The following FOXN3 variants were observed in gnomAD, a reference collection of about 807,000 sequenced individuals.
FOXN3 encodes forkhead box N3, also known as forkhead box protein N3.
FOXN3 carries 7 observed loss-of-function variants against 38.4 expected under a neutral mutation model. The ratio of observed to expected loss-of-function variants is 0.18; its 90% CI spans 0.10 to 0.34. The LOEUF is 0.34. Among genes scored for constraint, FOXN3 ranks in the 10% least tolerant of loss-of-function variants. The pLI is 1.00. For synonymous variants in FOXN3, 230 were observed against 242.2 expected (o/e 0.95, Z 0.47); for missense variants, 456 against 613.4 (o/e 0.74, Z 2.71).
At chr14:89,385,175 C>A (rs1890757933) in intron 2 of FOXN3, among the ~76,000 whole-genome samples, 1 of 152,080 alleles carries the variant, frequency 6.6e-6, no homozygotes, top group South Asian at 2.1e-4. Context: ...TGATTGTGAC[C>A]TATATGTCTT....
At chr14:89,618,651 T>A (rs999596741) in intron 1 of FOXN3, among the ~76,000 whole-genome samples, 1 of 152,192 alleles carries the variant, frequency 6.6e-6, no homozygotes, top group African/African-American at 2.4e-5. Flanking sequence ...CCCACAGAAG[T>A]GTGCTTCCCT....
In FOXN3 at chr14:89,184,890, C is replaced by T. The variant is rs113833361; in HGVS notation, c.746-4084G>A. Among the ~76,000 whole-genome samples, 704 of 152,308 alleles carry T rather than the reference C, an allele frequency of 4.6e-3. 9 individuals are homozygous for T. Among genetic ancestry groups the T allele is most frequent in the African/African-American group, 0.016 (666 of 41,566 alleles). On this transcript the variant is annotated intron_variant, in intron 4 of 5. Transcript: ENST00000557258. The stretch of plus-strand genomic sequence containing the variant: ...TACAAGGATAGGGCTGAAAGGGGTC[C>T]GGACATGGGGAAATACTTTCAGCCC...
At chr14:89,200,936 C>A (rs890757971) in intron 4 of FOXN3, among the ~76,000 whole-genome samples, 1 of 152,154 alleles carries the variant, frequency 6.6e-6, no homozygotes, top group African/African-American at 2.4e-5. Context: ...ACCAAAAAAT[C>A]TAAACTTCTA....
rs532379851 is a variant in FOXN3, at chr14:89,587,234, G to A, written c.-15+31794C>T. The stretch of plus-strand genomic sequence containing the variant: ...TAGGTGAGGCCCACCCACATTATGG[G>A]GGGTAATCCGCTTTATTCAACGACT... On this transcript the variant is annotated intron_variant, in intron 1 of 6. Transcript: ENST00000345097. Among the ~76,000 whole-genome samples the A allele has an allele frequency of 1.7e-3, 255 of 152,364 alleles. 2 individuals are homozygous for A. The highest frequency in any genetic ancestry group is 3.2e-3 in the Non-Finnish European group (216 of 68,042).
chr14:89,334,250 G>A lies in FOXN3; in HGVS notation c.680+16422C>T, dbSNP rs141245086. Among the ~76,000 whole-genome samples the A allele has an allele frequency of 2.6e-5, 4 of 151,918 alleles. No individual in the cohort carries two copies. The East Asian group carries it at 7.7e-4, about 29-fold the overall frequency. ...AGGGTGGTTACCAGGGGTTGGGGTT[G>A]GGGAGTGAGGCGGGCTGGGGGAAAC... On this transcript the variant is annotated intron_variant, in intron 3 of 5. Coordinates refer to ENST00000557258, the MANE Select transcript of FOXN3 (RefSeq NM_005197.4).
intron 1 of FOXN3, among the ~76,000 whole-genome samples, chr14:89,485,149 C>CTA (rs35822127): frequency 1.5e-5 from 2 of 129,038 alleles, no homozygotes; most frequent in East Asian, 4.6e-4. Context: ...AAGACTCTCT[C>CTA]AAAAAAAAAA....
At chr14:89,560,291 C>T (rs531603899) in intron 1 of FOXN3, among the ~76,000 whole-genome samples, 47 of 152,230 alleles carry the variant, frequency 3.1e-4, no homozygotes, top group Admixed American at 1.4e-3. Flanking sequence ...TTCAACATGA[C>T]ATTTGGGTGG....
intron 3 of FOXN3, among the ~76,000 whole-genome samples, chr14:89,347,666 G>C (rs190947412): frequency 1.3e-5 from 2 of 152,236 alleles, no homozygotes; most frequent in African/African-American, 2.4e-5. Context: ...AGAAAACAGA[G>C]GCATGGGCCG....
intron 1 of FOXN3, among the ~76,000 whole-genome samples, chr14:89,592,245 T>A (rs73315247): frequency 6.6e-6 from 1 of 152,130 alleles, no homozygotes; most frequent in South Asian, 2.1e-4. Flanking sequence ...GTTCAACTAA[T>A]AGAGTTTCTA....
chr14:89,191,948 GTATA>G (rs566312671), intron 4 of FOXN3, among the ~76,000 whole-genome samples: 1 of 117,966 alleles, frequency 8.5e-6, no homozygotes, highest in African/African-American at 4.7e-5. Context: ...ACTGATATTA[GTATA>G]TATATATATA....
intron 3 of FOXN3, among the ~76,000 whole-genome samples, chr14:89,319,091 CA>C (rs1402381099): frequency 3.3e-5 from 5 of 152,158 alleles, no homozygotes; most frequent in Non-Finnish European, 5.9e-5. Context: ...AGGGAAGAAT[CA>C]AAGACAATTC....
intron 2 of FOXN3, among the ~76,000 whole-genome samples, chr14:89,410,939 G>A (rs1442143377): frequency 2.6e-5 from 4 of 152,090 alleles, no homozygotes; most frequent in African/African-American, 9.7e-5. Context: ...TATTAAAACC[G>A]TCTTCTTTTC....
intron 4 of FOXN3, among the ~76,000 whole-genome samples, chr14:89,190,946 T>A (rs1887925851): frequency 6.6e-6 from 1 of 152,122 alleles, no homozygotes; most frequent in Non-Finnish European, 1.5e-5. Flanking sequence ...TTCACGAGGT[T>A]ATGTGTTTGT....
At chr14:89,290,211 A>T in intron 3 of FOXN3, 1 of 279,608 alleles carries the variant, frequency 3.6e-6, no homozygotes, top group Non-Finnish European at 7.3e-6. Context: ...TCACTGACCA[A>T]CTTGGATCCA....
chr14:89,303,195 C>A (rs769990370), intron 3 of FOXN3, among the ~76,000 whole-genome samples: 1 of 152,078 alleles, frequency 6.6e-6, no homozygotes, highest in Non-Finnish European at 1.5e-5. Context: ...GACACCAGAG[C>A]GCCTTTGACC....
At chr14:89,310,652 A>G (rs1329579116) in intron 3 of FOXN3, among the ~76,000 whole-genome samples, 1 of 152,230 alleles carries the variant, frequency 6.6e-6, no homozygotes, top group Non-Finnish European at 1.5e-5. Context: ...AGAAACAGGG[A>G]TTCTGCTTAA....
Position 89,162,405 on chromosome 14 carries a change from G to T in FOXN3, c.*9C>A. ...GGTCGTAAGTTCAAAACAAATCAGT[G>T]ACTTGTTTTTAATTTTTTGTGGTTT... On this transcript the variant is annotated 3_prime_UTR_variant, in exon 6 of 6. Transcript: ENST00000557258. This position sits in a 1 kb window ranked among gnomAD's most constrained non-coding sequence, Gnocchi z 7.2. 1 of 1,536,808 alleles carries T rather than the reference G, an allele frequency of 6.5e-7. No homozygotes were observed.
chr14:89,464,841 C>A (rs10141195), intron 1 of FOXN3, among the ~76,000 whole-genome samples: 1 of 151,764 alleles, frequency 6.6e-6, no homozygotes, highest in Admixed American at 6.6e-5. Flanking sequence ...GGGATTACAG[C>A]TGCCCACCAC....
intron 1 of FOXN3, among the ~76,000 whole-genome samples, chr14:89,551,427 TACTA>T (rs139138236): frequency 0.037 from 5,652 of 152,170 alleles, 324 homozygotes; most frequent in African/African-American, 0.13. Flanking sequence ...CAACCTGTCT[TACTA>T]ACTAACACTT....
Sources: gnomAD v4.1 joint callset for allele counts (sites outside exome capture counted in the v4.1 genomes callset) on GRCh38, gnomAD v4.1.1 for gene constraint, Gnocchi (gnomAD v3.1) non-coding constraint, MANE v1.5 for transcripts, NCBI Gene and HGNC (gene_info 2026-07-23, HGNC 2026-07-21) for gene names.